RABGEF1: variants seen among roughly 807,000 people sequenced by gnomAD.
RABGEF1 encodes rab5 GDP/GTP exchange factor.
RABGEF1 carries 26 observed loss-of-function variants against 57.3 expected under a neutral mutation model. The observed-to-expected ratio is 0.45, with a 90% CI of 0.33 to 0.63. The LOEUF (loss-of-function observed/expected upper bound fraction) is 0.63, where lower values mean the gene tolerates loss of function less well. Among genes scored for constraint, RABGEF1 ranks in the 20% least tolerant of loss-of-function variants. The pLI is 0.02. For missense variants in RABGEF1, 464 were observed against 607.6 expected, an observed-to-expected ratio of 0.76 and a Z score of 2.48; for synonymous variants, 185 against 210.7, an observed-to-expected ratio of 0.88 and a Z score of 1.06.
At position 66,767,599 on chromosome 7, in the gene RABGEF1, C is replaced by A. The variant is rs60779106; in HGVS notation, c.-17-4284C>A. Reference sequence around the variant, plus strand: ...AATTCTAAACCACAAGGTGTTGCTACTAGGAGGTGGAGCCTTTGGGAGGTG... The same window carrying A: ...AATTCTAAACCACAAGGTGTTGCTAATAGGAGGTGGAGCCTTTGGGAGGTG... On this transcript the variant is annotated intron_variant, in intron 1 of 8. Transcript: ENST00000284957. 2.0e-4 allele frequency among the ~76,000 whole-genome samples: 30 copies of A among 152,280 alleles called. No homozygotes were observed. In the East Asian group the frequency reaches 5.4e-3, roughly 27 times the overall value.
intron 1 of RABGEF1, among the ~76,000 whole-genome samples, chr7:66,689,188 G>C (rs2117102113): frequency 6.6e-6 from 1 of 152,072 alleles, no homozygotes; most frequent in Non-Finnish European, 1.5e-5. Context: ...CTAAACCCAA[G>C]CTAGCAGAAT....
At chr7:66,775,684 T>A (rs1808350450) in intron 3 of RABGEF1, among the ~76,000 whole-genome samples, 1 of 152,174 alleles carries the variant, frequency 6.6e-6, no homozygotes, top group Non-Finnish European at 1.5e-5. Context: ...TCTTTGGATG[T>A]TTTGGTTTTT....
chr7:66,700,672 G>T (rs1793119057), intron 1 of RABGEF1, among the ~76,000 whole-genome samples: 1 of 152,220 alleles, frequency 6.6e-6, no homozygotes, highest in Admixed American at 6.5e-5. Context: ...TCACACTTCT[G>T]CCACTCAGCT....
At chr7:66,702,767 A>AT (rs1793484917) in intron 1 of RABGEF1, among the ~76,000 whole-genome samples, 1 of 151,714 alleles carries the variant, frequency 6.6e-6, no homozygotes, top group African/African-American at 2.4e-5. Context: ...GCCAATTTGT[A>AT]TTTTTTCCTT....
Position 66,775,323 on chromosome 7 carries a change from C to T in RABGEF1, c.276C>T (p.Asn92=), listed in dbSNP as rs187237753. 9 of 1,613,980 alleles carry T rather than the reference C, an allele frequency of 5.6e-6. No individual in the cohort carries two copies. Among genetic ancestry groups the T allele is most frequent in the Admixed American group, 3.3e-5 (2 of 60,018 alleles). The change falls in exon 3 of 9, where the codon AAC becomes AAT. Residue 92 remains asparagine, a synonymous_variant. Transcript: ENST00000284957. ...TFSKFEEKKT[N]EKTRKVTTVK... ...CCAAGTTTGAAGAAAAGAAAACCAA[C>T]GAGAAGACCCGCAAGGTTACCACAG...
chr7:66,664,597 G>A, the RABGEF1 span, among the ~76,000 whole-genome samples: 2 of 151,962 alleles, frequency 1.3e-5, no homozygotes, highest in Non-Finnish European at 2.9e-5. Context: ...GAACGAGACC[G>A]TGTCTCTTAA....
intron 5 of RABGEF1, 117 bp downstream of exon 5, chr7:66,795,709 C>A (rs896185462): frequency 2.2e-6 from 2 of 927,408 alleles, no homozygotes; most frequent in African/African-American, 1.6e-5. Flanking sequence ...CATCCTGTAA[C>A]CTCATGGACA....
rs113432476 is a variant in RABGEF1, at chr7:66,787,063, G to T, written c.513+3222G>T. 1.2e-4 allele frequency among the ~76,000 whole-genome samples: 19 copies of T among 152,240 alleles called. 1 individual carries two copies. Among genetic ancestry groups the T allele is most frequent in the African/African-American group, 4.6e-4 (19 of 41,552 alleles). ...CTTTTTGAGATAGGAGTCTTGCTCT[G>T]TTGGCCAGGCTGGAGTGCAGTGGTG... On this transcript the variant is annotated intron_variant, in intron 4 of 8. Coordinates refer to ENST00000284957, the MANE Select transcript of RABGEF1 (RefSeq NM_014504.3).
rs368452742 is a variant in RABGEF1, at chr7:66,752,493, T to TAA, written c.-18+11715_-18+11716dup. On this transcript the variant is annotated intron_variant, in intron 1 of 8. Transcript: ENST00000284957. ...TGGGGAACAAGAGTGAAACTCCGTC[T>TAA]AAAAAAAAAAAAAAAGTCTTGATTT... is the stretch of plus-strand genomic sequence containing the variant. 6.5e-5 allele frequency among the ~76,000 whole-genome samples: 9 copies of TAA among 137,464 alleles called. No individual in the cohort carries two copies. In the South Asian group the frequency reaches 7.0e-4, roughly 11 times the overall value. 90.2% of individuals were successfully genotyped at this position (137,464 alleles called of 152,430 possible). A position where few individuals can be genotyped will look rare whatever the true frequency, so the allele number is the denominator to read the frequency against.
chr7:66,745,146 T>C (rs1007255613), intron 1 of RABGEF1, among the ~76,000 whole-genome samples: 27 of 151,018 alleles, frequency 1.8e-4, no homozygotes, highest in Admixed American at 4.0e-4. Flanking sequence ...GAGCCGAGAT[T>C]GTGCCACTGC....
rs779578018 is a variant in RABGEF1, at chr7:66,783,691, A to G, written c.363A>G (p.Lys121=). ...VGSKKEIQEA[K]APSPSINRQT... Reference sequence around the variant, plus strand: ...TCCCAGCAGAAATTCAGGAAGCAAAAGCTCCCAGTCCTTCCATAAACCGGC... The same window carrying G: ...TCCCAGCAGAAATTCAGGAAGCAAAGGCTCCCAGTCCTTCCATAAACCGGC... Residue 121 remains lysine (K), a synonymous_variant, in exon 4 of 9, where the codon AAA becomes AAG. Transcript: ENST00000284957. 1 of 1,597,270 alleles carries G rather than the reference A, an allele frequency of 6.3e-7. No individual in the cohort carries two copies.
At chr7:66,741,058 A>AG (rs1319539789) in intron 1 of RABGEF1, among the ~76,000 whole-genome samples, 2 of 151,964 alleles carry the variant, frequency 1.3e-5, no homozygotes, top group Non-Finnish European at 2.9e-5. Context: ...CGGGATCTCC[A>AG]GCGCCAGCCG....
chr7:66,678,564 CAAAAAA>C (rs58309880), upstream of RABGEF1, among the ~76,000 whole-genome samples: 4 of 86,196 alleles, frequency 4.6e-5, no homozygotes, highest in Non-Finnish European at 8.8e-5. Flanking sequence ...GAGTCCGTCT[CAAAAAA>C]AAAAAAAAAA....
At chr7:66,754,048 G>A (rs1398862586) in intron 1 of RABGEF1, among the ~76,000 whole-genome samples, 2 of 148,452 alleles carry the variant, frequency 1.3e-5, no homozygotes, top group African/African-American at 4.9e-5. Context: ...TGTTGCCCAG[G>A]CTGGAGTGCT....
intron 7 of RABGEF1, among the ~76,000 whole-genome samples, chr7:66,801,617 T>G (rs767751190): frequency 1.3e-5 from 2 of 152,192 alleles, no homozygotes; most frequent in African/African-American, 2.4e-5. Flanking sequence ...CTCCCACCAA[T>G]GAGTGAGAAC....
intron 1 of RABGEF1, among the ~76,000 whole-genome samples, chr7:66,701,847 A>AT (rs1336167349): frequency 1.3e-5 from 2 of 152,134 alleles, no homozygotes; most frequent in Non-Finnish European, 2.9e-5. Flanking sequence ...CTATTTTCTT[A>AT]TAAGTCTGTG....
At chr7:66,762,670 G>A (rs1357287480) in intron 1 of RABGEF1, among the ~76,000 whole-genome samples, 1 of 152,114 alleles carries the variant, frequency 6.6e-6, no homozygotes, top group Non-Finnish European at 1.5e-5. Context: ...AGAAGTTCAA[G>A]GCCAGCCTGG....
At position 66,808,988 on chromosome 7, in the gene RABGEF1, C is replaced by G. The variant is rs1789081601; in HGVS notation, c.1180C>G (p.Gln394Glu). 2.5e-6 allele frequency: 4 copies of G among 1,614,122 alleles called. No homozygotes were observed. Among genetic ancestry groups the G allele is most frequent in the Non-Finnish European group, 3.4e-6 (4 of 1,180,030 alleles). Reference sequence around the variant, plus strand: ...GTCTGGCCAGACCTCTCCCAGGAAGCAAGAAGCTGAGAGTTGGTCTCCTGA... The same window carrying G: ...GTCTGGCCAGACCTCTCCCAGGAAGGAAGAAGCTGAGAGTTGGTCTCCTGA... ...YMSGQTSPRK[Q>E]EAESWSPDAC... The change falls in exon 9 of 9, where the codon CAA becomes GAA. Residue 394 changes from glutamine to glutamate, a missense_variant. Gln to Glu is a conservative substitution (Grantham distance 29, BLOSUM62 2). Coordinates refer to ENST00000284957, the MANE Select transcript of RABGEF1 (RefSeq NM_014504.3).
At chr7:66,655,627 C>T in the RABGEF1 span, among the ~76,000 whole-genome samples, 5 of 152,096 alleles carry the variant, frequency 3.3e-5, no homozygotes, top group Non-Finnish European at 2.9e-5. Context: ...GCCTCGGCCT[C>T]CCAGAGTGCT....
Sources: allele counts gnomAD v4.1 joint callset (sites outside exome capture counted in the v4.1 genomes callset), GRCh38; gene constraint gnomAD v4.1.1; transcripts MANE v1.5; gene names NCBI Gene and HGNC (gene_info 2026-07-23, HGNC 2026-07-21).